Variants in SIK3 observed in about 807,000 individuals in gnomAD.
SIK3 encodes the protein SIK family kinase 3.
In SIK3, 28 loss-of-function variants were observed where a neutral mutation model predicts 144.2. The ratio of observed to expected loss-of-function variants is 0.19; its 90% CI spans 0.14 to 0.27. The LOEUF (loss-of-function observed/expected upper bound fraction) is 0.27, where lower values mean the gene tolerates loss of function less well. Among genes scored for constraint, SIK3 ranks in the 10% least tolerant of loss-of-function variants. The pLI is 1.00. For missense variants in SIK3, 1,319 were observed against 1,776.0 expected (o/e 0.74, Z 4.62); for synonymous variants, 686 against 676.3 (o/e 1.01, Z -0.22).
At chr11:117,019,638 C>T in intron 1 of SIK3, among the ~76,000 whole-genome samples, 1 of 150,212 alleles carries the variant, frequency 6.7e-6, no homozygotes, top group East Asian at 2.0e-4. Flanking sequence ...TTTTTTGAGA[C>T]AGAGTCTCGC....
intron 4 of SIK3, among the ~76,000 whole-genome samples, chr11:116,921,700 C>T (rs1946988354): frequency 6.6e-6 from 1 of 152,102 alleles, no homozygotes; most frequent in African/African-American, 2.4e-5. Flanking sequence ...ATGATCAAGG[C>T]TTCTTCTGTA....
intron 6 of SIK3, among the ~76,000 whole-genome samples, chr11:116,891,946 C>G (rs1945144138): frequency 6.6e-6 from 1 of 152,132 alleles, no homozygotes; most frequent in Non-Finnish European, 1.5e-5. Flanking sequence ...AACATCAAGG[C>G]TTGTGCTGGC....
intron 1 of SIK3, among the ~76,000 whole-genome samples, chr11:117,089,645 G>T (rs1300812386): frequency 4.6e-5 from 7 of 152,106 alleles, no homozygotes; most frequent in Non-Finnish European, 1.5e-5. Context: ...TTCAATTCTG[G>T]GGGGAGCTAT....
At chr11:116,874,847 C>T (rs1023654191) in intron 11 of SIK3, among the ~76,000 whole-genome samples, 4 of 152,184 alleles carry the variant, frequency 2.6e-5, no homozygotes, top group African/African-American at 9.7e-5. Context: ...GAGTCTTCAA[C>T]CGTGGAACAA....
intron 1 of SIK3, among the ~76,000 whole-genome samples, chr11:117,033,195 G>T (rs1376036654): frequency 6.6e-6 from 1 of 152,110 alleles, no homozygotes; most frequent in Non-Finnish European, 1.5e-5. Context: ...AATTGCCCAA[G>T]TATACATATG....
rs774190400 is a variant in SIK3 at position 116,861,294 on chromosome 11, C to T, written c.2405G>A (p.Ser802Asn). The change falls in exon 19 of 25, where the codon AGT becomes AAT. Residue 802 changes from serine to asparagine, a missense_variant. Around this residue, in one of 8 missense-constraint regions of SIK3, gnomAD observed 646 missense variants for 763.7 expected, o/e 0.85. Transcript: ENST00000445177. ...CTCACCGTGAGGCTGGATCATGGCA[C>T]TGCTCATGGGGGGAGGACTATTACT... ...QPSNSPPPMS[S>N]AMIQPHGAAS... 2 of 1,594,222 alleles carry T rather than the reference C, an allele frequency of 1.3e-6. No homozygotes were observed. The highest frequency in any genetic ancestry group is 1.7e-6 in the Non-Finnish European group (2 of 1,174,144).
chr11:116,917,487 T>TC (rs1165817049), intron 4 of SIK3, among the ~76,000 whole-genome samples: 1 of 152,016 alleles, frequency 6.6e-6, no homozygotes, highest in Non-Finnish European at 1.5e-5. Flanking sequence ...GGTGAGAAGA[T>TC]CTCTTGAGCT....
At chr11:117,031,925 CACTGAATTTT>C (rs1185300737) in intron 1 of SIK3, among the ~76,000 whole-genome samples, 2 of 151,892 alleles carry the variant, frequency 1.3e-5, no homozygotes, top group Non-Finnish European at 2.9e-5. Flanking sequence ...AATAAAAAAC[CACTGAATTTT>C]ACAGGTATGT....
rs775045305 is a variant in SIK3, at chr11:116,873,461, G to A, written c.1737+20C>T. 6.2e-7 allele frequency: 1 copy of A among 1,614,112 alleles called. No individual in the cohort carries two copies. The highest frequency in any genetic ancestry group is 2.2e-5 in the East Asian group (1 of 44,860). ...CAAAAGCCTCTGAGACAGTGAATTGGGCTCTGTGCTGCTACTCACTGGTGT... is the reference window on the plus strand; with the variant it reads ...CAAAAGCCTCTGAGACAGTGAATTGAGCTCTGTGCTGCTACTCACTGGTGT... On this transcript the variant is annotated intron_variant, in intron 13 of 24. Transcript: ENST00000445177.
At chr11:116,893,558 C>T (rs973566590) in intron 6 of SIK3, among the ~76,000 whole-genome samples, 1 of 151,958 alleles carries the variant, frequency 6.6e-6, no homozygotes, top group Non-Finnish European at 1.5e-5. Flanking sequence ...GCCTGCAGCT[C>T]CAGCTATTTG....
chr11:116,899,788 C>T (rs1945640951), intron 4 of SIK3, among the ~76,000 whole-genome samples: 1 of 152,070 alleles, frequency 6.6e-6, no homozygotes, highest in Non-Finnish European at 1.5e-5. Context: ...ATGTGACAGG[C>T]TAGAAATCCC....
intron 3 of SIK3, among the ~76,000 whole-genome samples, chr11:116,947,518 AATAT>A (rs139398268): frequency 0.044 from 5,778 of 132,226 alleles, 436 homozygotes; most frequent in African/African-American, 0.14. Flanking sequence ...TAGCTAGGGA[AATAT>A]ATATATATAT....
At chr11:116,996,419 T>G (rs901868424) in intron 1 of SIK3, among the ~76,000 whole-genome samples, 2 of 152,160 alleles carry the variant, frequency 1.3e-5, no homozygotes, top group African/African-American at 4.8e-5. Context: ...AAAAATATTA[T>G]CTTAAATATA....
At chr11:116,857,754 G>A (rs777380844) in intron 21 of SIK3, 56 bp downstream of exon 21, 1 of 1,574,210 alleles carries the variant, frequency 6.4e-7, no homozygotes, top group East Asian at 2.3e-5. Flanking sequence ...TAACATTACT[G>A]AGTCAGTTGA....
intron 1 of SIK3, among the ~76,000 whole-genome samples, chr11:117,056,191 A>C (rs1165022667): frequency 1.3e-5 from 2 of 152,220 alleles, no homozygotes; most frequent in Non-Finnish European, 2.9e-5. Context: ...AATACTATTT[A>C]GCCATAAAAA....
intron 1 of SIK3, among the ~76,000 whole-genome samples, chr11:116,997,609 A>C (rs1295904446): frequency 6.6e-6 from 1 of 152,250 alleles, no homozygotes; most frequent in Non-Finnish European, 1.5e-5. Flanking sequence ...ATGGTAGCTT[A>C]CATAAGTACA....
At position 116,897,286 on chromosome 11, in the gene SIK3, C is replaced by T. The variant is rs769135546; in HGVS notation, c.648G>A (p.Gly216=). ...DFGFSNLFTP[G]QLLKTWCGSP... is the part of the protein sequence containing the mutation. ...TGCCACACCAGGTCTTCAGCAGCTG[C>T]CCAGGAGTGAAGAGGTTACTGAAAC... Residue 216 remains glycine (G), a synonymous_variant, in exon 5 of 25, where the codon GGG becomes GGA. Coordinates refer to ENST00000445177, the MANE Select transcript of SIK3 (RefSeq NM_001366686.3). 7 of 1,613,892 alleles carry T rather than the reference C, an allele frequency of 4.3e-6. No homozygotes were observed. The Admixed American group carries it at 1.0e-4, about 23-fold the overall frequency.
At chr11:116,947,523 A>ATGTATG (rs1293152854) in intron 3 of SIK3, among the ~76,000 whole-genome samples, 1 of 80,220 alleles carries the variant, frequency 1.2e-5, no homozygotes, top group Admixed American at 1.3e-4. Flanking sequence ...AGGGAAATAT[A>ATGTATG]TATATATATA....
intron 1 of SIK3, among the ~76,000 whole-genome samples, chr11:117,045,838 G>A (rs574889349): frequency 2.0e-5 from 3 of 152,228 alleles, no homozygotes; most frequent in South Asian, 2.1e-4. Context: ...CTTCTAAAAC[G>A]CATATACTGT....
Sources: gnomAD v4.1 joint callset for allele counts (sites outside exome capture counted in the v4.1 genomes callset) on GRCh38, gnomAD v4.1.1 for gene constraint, gnomAD v4.1.1 regional missense constraint, MANE v1.5 for transcripts, NCBI Gene and HGNC (gene_info 2026-07-23, HGNC 2026-07-21) for gene names.